METTL15: variants seen among roughly 807,000 people sequenced by gnomAD.
METTL15 encodes the protein methyltransferase 15, mitochondrial 12S rRNA N4-cytidine.
In METTL15, 34 loss-of-function variants were observed where a neutral mutation model predicts 38.3. That is an observed-to-expected ratio of 0.89 (90% CI 0.68 to 1.18). The LOEUF is 1.18. Among genes scored for constraint, METTL15 ranks in the 50% most tolerant of loss-of-function variants. The pLI is 0.00. For synonymous variants in METTL15, 162 were observed against 170.9 expected, an observed-to-expected ratio of 0.95 and a Z score of 0.41; for missense variants, 438 against 498.4, an observed-to-expected ratio of 0.88 and a Z score of 1.15.
chr11:28,528,022 T>A (rs1474187466), downstream of METTL15, among the ~76,000 whole-genome samples: 3 of 152,190 alleles, frequency 2.0e-5, no homozygotes, highest in Non-Finnish European at 2.9e-5. Flanking sequence ...TGTAAAAAAA[T>A]GACTCAGTGT....
intron 4 of METTL15, among the ~76,000 whole-genome samples, chr11:28,357,626 G>T (rs1215275241): frequency 6.6e-6 from 1 of 152,154 alleles, no homozygotes; most frequent in East Asian, 1.9e-4. Flanking sequence ...ATGATTTGAG[G>T]TGCCTGACTC....
At chr11:28,163,693 A>G in intron 3 of METTL15, 1 of 371,578 alleles carries the variant, frequency 2.7e-6, no homozygotes, top group Non-Finnish European at 4.8e-6. Flanking sequence ...TGAGAACTTA[A>G]TATACTTTTT....
chr11:28,118,931 A>T (rs985945356), intron 3 of METTL15, among the ~76,000 whole-genome samples: 1 of 152,214 alleles, frequency 6.6e-6, no homozygotes, highest in African/African-American at 2.4e-5. Flanking sequence ...TACTATGGGA[A>T]TAGAAAGAGT....
At chr11:28,480,474 T>C (rs187708214) in intron 6 of METTL15, among the ~76,000 whole-genome samples, 1 of 152,318 alleles carries the variant, frequency 6.6e-6, no homozygotes, top group African/African-American at 2.4e-5. Context: ...TAAATCTATA[T>C]AATAAAATTT....
intron 4 of METTL15, among the ~76,000 whole-genome samples, chr11:28,259,497 G>A (rs931379551): frequency 3.3e-5 from 5 of 152,172 alleles, no homozygotes; most frequent in African/African-American, 1.2e-4. Flanking sequence ...TCAAGTTCAT[G>A]TAGGGGCCCA....
intron 6 of METTL15, among the ~76,000 whole-genome samples, chr11:28,520,434 G>T (rs1851755834): frequency 6.6e-6 from 1 of 152,178 alleles, no homozygotes; most frequent in South Asian, 2.1e-4. Flanking sequence ...AGGCTGCCCT[G>T]GGAGCCTGAT....
At position 28,185,005 on chromosome 11, in the gene METTL15, A is replaced by G. The variant is rs528321992; in HGVS notation, c.271-26057A>G. 1.5e-4 allele frequency among the ~76,000 whole-genome samples: 23 copies of G among 151,636 alleles called. 1 individual carries two copies. The South Asian group carries it at 3.9e-3, about 26-fold the overall frequency. On this transcript the variant is annotated intron_variant, in intron 3 of 6. Coordinates refer to ENST00000407364, the MANE Select transcript of METTL15 (RefSeq NM_001113528.2). ...GAGTCCCACCTAATCCACATTTTAC[A>G]TAATGTGTTGAATGTTAACATATAT...
chr11:28,123,815 A>G, intron 3 of METTL15: 1 of 1,342,246 alleles, frequency 7.5e-7, no homozygotes, highest in Non-Finnish European at 1.0e-6. Context: ...ATTTCAAGAT[A>G]AAACTGAAAT....
chr11:28,376,247 G>A (rs1246524475), intron 5 of METTL15, among the ~76,000 whole-genome samples: 5 of 152,066 alleles, frequency 3.3e-5, no homozygotes, highest in Non-Finnish European at 5.9e-5. Context: ...TCGTTGGTCT[G>A]TCTAATGTTG....
chr11:28,389,565 C>A (rs1322972516), intron 5 of METTL15, among the ~76,000 whole-genome samples: 1 of 152,016 alleles, frequency 6.6e-6, no homozygotes, highest in Non-Finnish European at 1.5e-5. Context: ...ATGAACTCAT[C>A]ATTTTTAATG....
At chr11:28,372,198 T>G (rs111562263) in intron 5 of METTL15, among the ~76,000 whole-genome samples, 75 of 152,174 alleles carry the variant, frequency 4.9e-4, no homozygotes, top group Non-Finnish European at 5.6e-4. Flanking sequence ...ATGTTGAATT[T>G]TATTAAATAC....
At chr11:28,293,946 G>A (rs1856627929) in intron 5 of METTL15, among the ~76,000 whole-genome samples, 1 of 152,140 alleles carries the variant, frequency 6.6e-6, no homozygotes, top group Non-Finnish European at 1.5e-5. Flanking sequence ...TCAGCTTAAG[G>A]AGATTTTGGG....
chr11:28,197,439 A>T (rs1226301112), intron 3 of METTL15: 2 of 343,304 alleles, frequency 5.8e-6, no homozygotes, highest in African/African-American at 2.1e-5. Context: ...TACTTTTTTC[A>T]GATTTTGTTC....
At chr11:28,180,873 G>A (rs1851258210) in intron 3 of METTL15, among the ~76,000 whole-genome samples, 1 of 151,718 alleles carries the variant, frequency 6.6e-6, no homozygotes, top group Admixed American at 6.6e-5. Flanking sequence ...TTAAGTGTTT[G>A]TTATCAGTTT....
intron 6 of METTL15, among the ~76,000 whole-genome samples, chr11:28,432,738 T>C (rs1850943133): frequency 6.6e-6 from 1 of 152,230 alleles, no homozygotes; most frequent in Non-Finnish European, 1.5e-5. Flanking sequence ...GAGTGAGTAG[T>C]ACACGTAGGG....
chr11:28,372,486 T>A (rs569251623), intron 5 of METTL15, among the ~76,000 whole-genome samples: 1 of 150,276 alleles, frequency 6.7e-6, no homozygotes, highest in Non-Finnish European at 1.5e-5. Context: ...CCAATACATG[T>A]TAAACCAGTG....
In METTL15 at chr11:28,297,163, A is replaced by T. The variant is rs558018171; in HGVS notation, c.778+232A>T. ...CCAAAAAACCTCTCCCCCAAATACAATTTTTAAAAAAATATACTGTAGTTT... is the reference window on the plus strand; with the variant it reads ...CCAAAAAACCTCTCCCCCAAATACATTTTTTAAAAAAATATACTGTAGTTT... On this transcript the variant is annotated intron_variant, in intron 6 of 6. Transcript: ENST00000407364. Among the ~76,000 whole-genome samples, 6 of 151,972 alleles carry T rather than the reference A, an allele frequency of 3.9e-5. No individual in the cohort carries two copies. The East Asian group carries it at 1.2e-3, about 29-fold the overall frequency.
chr11:28,109,869 G>A (rs12793033), intron 1 of METTL15, among the ~76,000 whole-genome samples: 1 of 152,240 alleles, frequency 6.6e-6, no homozygotes, highest in South Asian at 2.1e-4. Context: ...TGTACATTTG[G>A]TTAAAGCAGA....
chr11:28,367,483 A>T (rs1393385124), intron 5 of METTL15, among the ~76,000 whole-genome samples: 1 of 152,158 alleles, frequency 6.6e-6, no homozygotes, highest in Non-Finnish European at 1.5e-5. Context: ...TGCTCAAGGA[A>T]ATAAGGATAC....
Sources: gnomAD v4.1 joint callset for allele counts (sites outside exome capture counted in the v4.1 genomes callset) on GRCh38, gnomAD v4.1.1 for gene constraint, MANE v1.5 for transcripts, NCBI Gene and HGNC (gene_info 2026-07-23, HGNC 2026-07-21) for gene names.